The following ZFP62 variants were observed in gnomAD, a reference collection of about 807,000 sequenced individuals.
ZFP62 encodes ZFP62 zinc finger protein.
In ZFP62, 44 loss-of-function variants were observed where a neutral mutation model predicts 56.4. The observed-to-expected ratio is 0.78, with a 90% CI of 0.61 to 1.00. The LOEUF (loss-of-function observed/expected upper bound fraction) is 1.00, where lower values mean the gene tolerates loss of function less well. Ranked by LOEUF, ZFP62 falls within the 50% of genes least tolerant of loss-of-function variation. ZFP62 has a pLI of 0.00. For missense variants in ZFP62, 1,030 were observed against 1,085.7 expected (o/e 0.95, Z 0.72); for synonymous variants, 421 against 388.9 (o/e 1.08, Z -0.97).
At position 180,849,191 on chromosome 5, in the gene ZFP62, G is replaced by A. The variant is rs749104081; in HGVS notation, c.2304C>T (p.Asn768=). 1.9e-6 allele frequency: 3 copies of A among 1,561,078 alleles called. No individual in the cohort carries two copies. Among genetic ancestry groups the A allele is most frequent in the Non-Finnish European group, 8.7e-7 (1 of 1,152,860 alleles). The change falls in exon 2 of 2, where the codon AAC becomes AAT. Residue 768 remains asparagine, a synonymous_variant. Transcript: ENST00000502412. ...TTTTATGCACTGTGAGGCCTGAGCT[G>A]TTCCTGAAGGCCTTCCCACACCTAT... The part of the protein sequence containing the change: ...VCDRCGKAFR[N]SSGLTVHKRI...
the ZFP62 span, among the ~76,000 whole-genome samples, chr5:180,837,785 G>A: frequency 6.6e-6 from 1 of 152,154 alleles, no homozygotes; most frequent in African/African-American, 2.4e-5. Flanking sequence ...AGGCCCTCAA[G>A]AAGAAATATA....
chr5:180,858,819 A>G (rs549465576), intron 1 of ZFP62, among the ~76,000 whole-genome samples: 4 of 152,322 alleles, frequency 2.6e-5, no homozygotes, highest in African/African-American at 9.6e-5. Flanking sequence ...GAATTTCTTA[A>G]AAGTTCTAAA....
chr5:180,840,826 G>T, the ZFP62 span, among the ~76,000 whole-genome samples: 1 of 149,148 alleles, frequency 6.7e-6, no homozygotes. Context: ...TGTGTGTTGG[G>T]GTTGGGGAGG....
downstream of ZFP62, among the ~76,000 whole-genome samples, chr5:180,844,898 C>G (rs1236423172): frequency 1.3e-5 from 2 of 152,302 alleles, no homozygotes; most frequent in East Asian, 3.9e-4. Context: ...ACAGGGCCAC[C>G]ACACTTCAGA....
At position 180,848,774 on chromosome 5, in the gene ZFP62, C is replaced by T. The variant is rs1226975089; in HGVS notation, c.*18G>A. 1.3e-6 allele frequency: 2 copies of T among 1,489,144 alleles called. No individual in the cohort carries two copies. Among genetic ancestry groups the T allele is most frequent in the Non-Finnish European group, 1.8e-6 (2 of 1,117,010 alleles). The allele number at this position is 1,489,144 out of a possible 1,614,324, so 92.2% of individuals were successfully genotyped here. A position where few individuals can be genotyped will look rare whatever the true frequency, so the allele number is the denominator to read the frequency against. ...TTTCTTCCATTTGAGTTCGGAGAGACTTGGTAAGCTCTGCCTGCTACAGAG... is the reference window on the plus strand; with the variant it reads ...TTTCTTCCATTTGAGTTCGGAGAGATTTGGTAAGCTCTGCCTGCTACAGAG... On this transcript the variant is annotated 3_prime_UTR_variant, in exon 2 of 2. Transcript: ENST00000502412.
chr5:180,857,262 TTCTG>T (rs1247333520), intron 1 of ZFP62, among the ~76,000 whole-genome samples: 1 of 152,210 alleles, frequency 6.6e-6, no homozygotes, highest in Non-Finnish European at 1.5e-5. Flanking sequence ...GGCAAACATT[TTCTG>T]TAAGAACCAG....
Position 180,849,529 on chromosome 5 carries a change from T to A in ZFP62, c.1966A>T (p.Asn656Tyr). ...TTATGAACTTTAAGGCTTGAGTTGT[T>A]TCTGAAGACCTTCTCACACCTGTCA... is the stretch of plus-strand genomic sequence containing the variant. Reference protein sequence around the residue: ...ECDRCEKVFRNNSSLKVHKRI... With the variant: ...ECDRCEKVFRYNSSLKVHKRI... Residue 656 changes from asparagine to tyrosine, a missense_variant, in exon 2 of 2, where the codon AAC becomes TAC. Physicochemically the swap from Asn to Tyr is moderately radical, Grantham distance 143 (BLOSUM62 -2). Coordinates refer to ENST00000502412, the MANE Select transcript of ZFP62 (RefSeq NM_001172638.2). 3 of 1,552,092 alleles carry A rather than the reference T, an allele frequency of 1.9e-6. No homozygotes were observed. The highest frequency in any genetic ancestry group is 2.6e-6 in the Non-Finnish European group (3 of 1,147,068).
chr5:180,834,218 G>A, the ZFP62 span: 16,437 of 152,100 alleles, frequency 0.11, 2,219 homozygotes, highest in African/African-American at 0.32. Flanking sequence ...TAGAACAGAT[G>A]TTTGTTCTCT....
the ZFP62 span, among the ~76,000 whole-genome samples, chr5:180,840,819 G>A: frequency 2.0e-5 from 3 of 149,466 alleles, no homozygotes; most frequent in Admixed American, 1.3e-4. Flanking sequence ...GTGTGTGTGT[G>A]TGTTGGGGTT....
At chr5:180,829,162 T>G in the ZFP62 span, among the ~76,000 whole-genome samples, 1 of 140,018 alleles carries the variant, frequency 7.1e-6, no homozygotes, top group African/African-American at 3.3e-5. Context: ...CCTTGTCCTG[T>G]TTCCTCAGAA....
the ZFP62 span, among the ~76,000 whole-genome samples, chr5:180,839,379 G>A: frequency 6.6e-6 from 1 of 152,174 alleles, no homozygotes; most frequent in Non-Finnish European, 1.5e-5. Flanking sequence ...TTTCATAACA[G>A]TCACCTAATC....
chr5:180,835,191 C>T, the ZFP62 span: 2 of 152,186 alleles, frequency 1.3e-5, no homozygotes, highest in Non-Finnish European at 2.9e-5. Context: ...GGAAGATCAA[C>T]CCTCAATGTA....
Position 180,851,404 on chromosome 5 carries a change from C to T in ZFP62, c.91G>A (p.Glu31Lys), listed in dbSNP as rs1773706187. 6.4e-7 allele frequency: 1 copy of T among 1,551,656 alleles called. No homozygotes were observed. Among genetic ancestry groups the T allele is most frequent in the South Asian group, 1.2e-5 (1 of 84,058 alleles). Residue 31 changes from glutamate to lysine, a missense_variant, in exon 2 of 2, where the codon GAG (glutamate) becomes AAG (lysine). Glu to Lys is a moderately conservative substitution (Grantham distance 56, BLOSUM62 1). Transcript: ENST00000502412. ...ACCTTAGATTCAGGCATAGGATCCT[C>T]CACTTTTGGCCACTTAGATGCTGCA... ...GNAASKWPKV[E>K]DPMPESKVGD... is the part of the protein sequence containing the mutation.
In ZFP62 at chr5:180,849,315, T is replaced by G; in HGVS notation, c.2180A>C (p.Lys727Thr). The G allele has an allele frequency of 5.2e-6, 8 of 1,552,264 alleles. No individual in the cohort carries two copies. Among genetic ancestry groups the G allele is most frequent in the Non-Finnish European group, 7.0e-6 (8 of 1,147,172 alleles). ...CCCACACTCAACACACTTGAAGGGTTTCTCCCCAAGATGGACTCTTTTATG... is the reference window on the plus strand; with the variant it reads ...CCCACACTCAACACACTTGAAGGGTGTCTCCCCAAGATGGACTCTTTTATG... The part of the protein sequence containing the change: ...ISHKRVHLGE[K>T]PFKCVECGKS... The change falls in exon 2 of 2, where the codon AAA becomes ACA. Residue 727 changes from lysine (K) to threonine (T), a missense_variant. Physicochemically the swap from Lys to Thr is moderately conservative, Grantham distance 78. Transcript: ENST00000502412.
chr5:180,851,322 T>C lies in ZFP62; in HGVS notation c.173A>G (p.Glu58Gly), dbSNP rs1466541941. 2 of 1,551,604 alleles carry C rather than the reference T, an allele frequency of 1.3e-6. No homozygotes were observed. The highest frequency in any genetic ancestry group is 2.0e-5 in the Admixed American group (1 of 50,982). Residue 58 changes from glutamate to glycine, a missense_variant, in exon 2 of 2, where the codon GAA (glutamate) becomes GGA (glycine). Glu to Gly is a moderately conservative substitution (Grantham distance 98). Coordinates refer to ENST00000502412, the MANE Select transcript of ZFP62 (RefSeq NM_001172638.2). The part of the protein sequence containing the change: ...KVENQQKKPV[E>G]NRMKEDKSSI... ...GCTTTTGTCCTCCTTCATCCTGTTT[T>C]CCACAGGCTTTTTCTGTTGATTCTC... is the stretch of plus-strand genomic sequence containing the variant.
Position 180,849,645 on chromosome 5 carries a change from TA to T in ZFP62, c.1849del (p.Tyr617ThrfsTer101). ...AGATTTCTCACACACATCACATTTG[TA>T]GGGCTTCTCCCCAAGATGAACTTTT... ...HKKVHLGEKP[Y>X]KCDVCEKSFN... On this transcript the variant is annotated frameshift_variant, in exon 2 of 2. Transcript: ENST00000502412. LOFTEE classifies it high-confidence loss of function. The T allele has an allele frequency of 6.4e-7, 1 of 1,551,844 alleles. No homozygotes were observed. The highest frequency in any genetic ancestry group is 8.7e-7 in the Non-Finnish European group (1 of 1,147,040).
chr5:180,849,127 A>C lies in ZFP62; in HGVS notation c.2368T>G (p.Cys790Gly). The change falls in exon 2 of 2, where the codon TGT becomes GGT. Residue 790 changes from cysteine (C) to glycine (G), a missense_variant. Cys to Gly is a radical substitution (Grantham distance 159, BLOSUM62 -3). Coordinates refer to ENST00000502412, the MANE Select transcript of ZFP62 (RefSeq NM_001172638.2). ...TGEKPYECDE[C>G]GKAYISHSSL... ...GAGTGTGAGATGTATGCCTTCCCACACTCATCACATTCATAGGGTTTCTCA... is the reference window on the plus strand; with the variant it reads ...GAGTGTGAGATGTATGCCTTCCCACCCTCATCACATTCATAGGGTTTCTCA... 6.4e-7 allele frequency: 1 copy of C among 1,560,808 alleles called. No individual in the cohort carries two copies. Among genetic ancestry groups the C allele is most frequent in the Non-Finnish European group, 8.7e-7 (1 of 1,152,750 alleles).
rs1438203536 is a variant in ZFP62, at chr5:180,848,745, G to T, written c.*47C>A. The T allele has an allele frequency of 6.8e-7, 1 of 1,462,522 alleles. No individual in the cohort carries two copies. 90.6% of individuals were successfully genotyped at this position (1,462,522 alleles called of 1,614,324 possible). A position where few individuals can be genotyped will look rare whatever the true frequency, so the allele number is the denominator to read the frequency against. ...ACCCCCTACATTCTTACATTCATAA[G>T]GTATTTCTTCCATTTGAGTTCGGAG... On this transcript the variant is annotated 3_prime_UTR_variant, in exon 2 of 2. Coordinates refer to ENST00000502412, the MANE Select transcript of ZFP62 (RefSeq NM_001172638.2).
downstream of ZFP62, among the ~76,000 whole-genome samples, chr5:180,843,837 C>A: frequency 6.6e-6 from 1 of 152,344 alleles, no homozygotes; most frequent in East Asian, 1.9e-4. Flanking sequence ...GCCCACAAAT[C>A]TTCACTAAGG....
Sources: allele counts gnomAD v4.1 joint callset (sites outside exome capture counted in the v4.1 genomes callset), GRCh38; gene constraint gnomAD v4.1.1; transcripts MANE v1.5; gene names NCBI Gene and HGNC (gene_info 2026-07-23, HGNC 2026-07-21).